Variants in CD40LG observed in about 807,000 individuals in gnomAD.
CD40LG encodes CD40 antigen ligand.
In CD40LG, 1 loss-of-function variant was observed where a neutral mutation model predicts 17.2. The observed-to-expected ratio is 0.06, with a 90% CI of 0.02 to 0.28. The LOEUF (loss-of-function observed/expected upper bound fraction) is 0.28. CD40LG is among the 10% of genes least tolerant of loss of function. The probability of loss-of-function intolerance (pLI) is 1.00; values close to 1 mark genes in which losing one functional copy is unlikely to be tolerated. For synonymous variants in CD40LG, 66 were observed against 74.4 expected (o/e 0.89, Z 0.58); for missense variants, 133 against 193.2 (o/e 0.69, Z 1.85).
At chrX:136,651,638 C>T (rs189003406) in intron 2 of CD40LG, among the ~76,000 whole-genome samples, 42 of 111,789 alleles carry the variant, frequency 3.8e-4, no homozygotes, top group African/African-American at 1.3e-3. Context: ...TTCGGTTCTT[C>T]GAGGATTTGG....
intron 2 of CD40LG, 71 bp from the exon 3 acceptor site, chrX:136,654,302 C>G (rs191737845): frequency 2.6e-6 from 2 of 759,583 alleles, no homozygotes; most frequent in Non-Finnish European, 4.1e-6. Context: ...AGATGCAAAA[C>G]GAATGATAAT....
intron 2 of CD40LG, among the ~76,000 whole-genome samples, chrX:136,651,014 G>A (rs985162253): frequency 3.6e-5 from 4 of 111,498 alleles, no homozygotes; most frequent in Non-Finnish European, 7.5e-5. Context: ...CTCTATGGCC[G>A]GTCATGACCA....
intron 4 of CD40LG, 108 bp downstream of exon 4, chrX:136,656,526 C>T (rs1253864878): frequency 1.6e-6 from 1 of 633,796 alleles, no homozygotes; most frequent in Non-Finnish European, 2.7e-6. Context: ...ACCCAATTTA[C>T]AAACCTACCC....
intron 4 of CD40LG, among the ~76,000 whole-genome samples, chrX:136,657,696 C>T (rs1024622629): frequency 8.9e-6 from 1 of 112,062 alleles, no homozygotes; most frequent in African/African-American, 3.2e-5. Flanking sequence ...AGAAGAATAG[C>T]TTCCCACTGG....
rs149526504 is a variant in CD40LG at position 136,657,089 on chromosome X, G to A, written c.409+671G>A. Among the ~76,000 whole-genome samples the A allele has an allele frequency of 3.8e-3, 427 of 111,888 alleles. 2 individuals are homozygous for A. Among genetic ancestry groups the A allele is most frequent in the Non-Finnish European group, 6.1e-3 (325 of 53,151 alleles). On this transcript the variant is annotated intron_variant, in intron 4 of 4. Transcript: ENST00000370629. ...CTGATAAATGGATGGAAACATGCAC[G>A]CTAACATAAAGTCTCCCATCAACAT...
At position 136,650,368 on chromosome X, in the gene CD40LG, A is replaced by T; in HGVS notation, c.259A>T (p.Ile87Phe). 8.3e-7 allele frequency: 1 copy of T among 1,208,372 alleles called. No homozygotes were observed. The highest frequency in any genetic ancestry group is 1.1e-6 in the Non-Finnish European group (1 of 892,494). ...RSLSLLNCEE[I>F]KSQFEGFVKD... ...CTTATCCTTACTGAACTGTGAGGAG[A>T]TTAAAAGCCAGTTTGAAGGCTTTGT... Residue 87 changes from isoleucine (I) to phenylalanine (F), a missense_variant, in exon 2 of 5, where the codon ATT (isoleucine) becomes TTT (phenylalanine). By Grantham distance (21) the Ile-to-Phe change is conservative. Coordinates refer to ENST00000370629, the MANE Select transcript of CD40LG (RefSeq NM_000074.3).
chrX:136,654,209 C>G lies in CD40LG; in HGVS notation c.289-164C>G, dbSNP rs943621174. On this transcript the variant is annotated intron_variant, in intron 2 of 4. Coordinates refer to ENST00000370629, the MANE Select transcript of CD40LG (RefSeq NM_000074.3). Reference sequence around the variant, plus strand: ...TTGGCTCATCTGTCAGATCCATGGACTCCCAATTGGCATGATGGAATTAAT... The same window carrying G: ...TTGGCTCATCTGTCAGATCCATGGAGTCCCAATTGGCATGATGGAATTAAT... Among the ~76,000 whole-genome samples the G allele has an allele frequency of 1.3e-4, 15 of 111,509 alleles. No homozygotes were observed. In the South Asian group the frequency reaches 5.7e-3, roughly 42 times the overall value.
intron 2 of CD40LG, among the ~76,000 whole-genome samples, chrX:136,651,407 T>C (rs1317799868): frequency 9.0e-6 from 1 of 111,632 alleles, no homozygotes; most frequent in Admixed American, 9.5e-5. Context: ...GTTAAGATCT[T>C]ATTTCTGATC....
Position 136,650,415 on chromosome X carries a change from T to C in CD40LG, c.288+18T>C. On this transcript the variant is annotated intron_variant, in intron 2 of 4. Transcript: ENST00000370629. ...TTGTGAAGGTAAGCAGCTTAATTAC[T>C]GGTAAAAGTGTCATTGAAATATTTT... The C allele has an allele frequency of 8.4e-7, 1 of 1,194,462 alleles. No homozygotes were observed. Among genetic ancestry groups the C allele is most frequent in the East Asian group, 3.0e-5 (1 of 33,718 alleles).
At chrX:136,654,003 C>G (rs181426079) in intron 2 of CD40LG, among the ~76,000 whole-genome samples, 37 of 112,019 alleles carry the variant, frequency 3.3e-4, no homozygotes, top group African/African-American at 8.4e-4. Flanking sequence ...ATTCCATATA[C>G]CAGTTCCCAG....
chrX:136,652,885 C>T (rs745664253), intron 2 of CD40LG, among the ~76,000 whole-genome samples: 64 of 110,628 alleles, frequency 5.8e-4, no homozygotes, highest in Middle Eastern at 4.6e-3. Context: ...AGAGAAATAA[C>T]CCATTCTGGA....
intron 1 of CD40LG, among the ~76,000 whole-genome samples, chrX:136,650,060 A>T (rs748586906): frequency 1.8e-5 from 2 of 112,677 alleles, no homozygotes; most frequent in African/African-American, 6.4e-5. Context: ...GTTTCTGATA[A>T]CATGACATCT....
At chrX:136,656,251 T>C (rs2148552872) in intron 3 of CD40LG, 105 bp from the exon 4 acceptor site, 1 of 615,929 alleles carries the variant, frequency 1.6e-6, no homozygotes, top group South Asian at 2.3e-5. Flanking sequence ...TTTTATATAA[T>C]CTATTTTTGC....
chrX:136,655,340 C>T (rs1253224674), intron 3 of CD40LG, among the ~76,000 whole-genome samples: 1 of 111,820 alleles, frequency 8.9e-6, no homozygotes, highest in Non-Finnish European at 1.9e-5. Context: ...TGCCACTCAC[C>T]TCCTTTTCTT....
At chrX:136,648,486 A>G (rs1270414622) in intron 1 of CD40LG, 82 bp downstream of exon 1, 32 of 859,817 alleles carry the variant, frequency 3.7e-5, no homozygotes, top group Non-Finnish European at 5.5e-5. Context: ...ATGATGGATG[A>G]TGGTAGAAAC....
chrX:136,648,635 T>C (rs1385415405), intron 1 of CD40LG, among the ~76,000 whole-genome samples: 1 of 111,894 alleles, frequency 8.9e-6, no homozygotes, highest in Admixed American at 9.5e-5. Context: ...ACCATCTCTG[T>C]TATCCTGGGG....
chrX:136,659,082 C>T lies in CD40LG; in HGVS notation c.453C>T (p.Asn151=). The part of the protein sequence containing the change: ...AEKGYYTMSN[N]LVTLENGKQL... ...AAGGATACTACACCATGAGCAACAACTTGGTAACCCTGGAAAATGGGAAAC... is the reference window on the plus strand; with the variant it reads ...AAGGATACTACACCATGAGCAACAATTTGGTAACCCTGGAAAATGGGAAAC... The change falls in exon 5 of 5, where the codon AAC becomes AAT. Residue 151 remains asparagine, a synonymous_variant. Transcript: ENST00000370629. 1.7e-6 allele frequency: 2 copies of T among 1,209,174 alleles called. No individual in the cohort carries two copies. The highest frequency in any genetic ancestry group is 2.2e-6 in the Non-Finnish European group (2 of 892,994).
At chrX:136,657,680 T>A (rs1438000949) in intron 4 of CD40LG, among the ~76,000 whole-genome samples, 5 of 111,928 alleles carry the variant, frequency 4.5e-5, no homozygotes, top group African/African-American at 1.6e-4. Context: ...AACAGAGAAA[T>A]CTCCTAGAAG....
chrX:136,652,900 C>A (rs2076108192), intron 2 of CD40LG, among the ~76,000 whole-genome samples: 3 of 110,001 alleles, frequency 2.7e-5, no homozygotes, highest in Non-Finnish European at 5.7e-5. Flanking sequence ...TCTGGATTTT[C>A]TGAAAGTCCA....
Sources: allele counts gnomAD v4.1 joint callset (sites outside exome capture counted in the v4.1 genomes callset), GRCh38; gene constraint gnomAD v4.1.1; transcripts MANE v1.5; gene names NCBI Gene and HGNC (gene_info 2026-07-23, HGNC 2026-07-21).